Variants in PPP2R2D observed in about 807,000 individuals in gnomAD.
PPP2R2D encodes the protein serine/threonine-protein phosphatase 2A 55 kDa regulatory subunit B delta isoform.
PPP2R2D carries 9 observed loss-of-function variants against 31.1 expected under a neutral mutation model. That is an observed-to-expected ratio of 0.29 (90% CI 0.17 to 0.51). PPP2R2D has a LOEUF of 0.51. Among genes scored for constraint, PPP2R2D ranks in the 20% least tolerant of loss-of-function variants. The pLI, the probability that PPP2R2D is intolerant of heterozygous loss-of-function variation, is 0.98. For missense variants in PPP2R2D, 391 were observed against 465.6 expected, an observed-to-expected ratio of 0.84 and a Z score of 1.48; for synonymous variants, 179 against 172.6, an observed-to-expected ratio of 1.04 and a Z score of -0.29.
chr10:131,934,379 TC>T, intron 2 of PPP2R2D, 78 bp from the exon 3 acceptor site: 1 of 707,126 alleles, frequency 1.4e-6, no homozygotes, highest in Non-Finnish European at 2.6e-6. Context: ...GTCCTTTTGC[TC>T]TTTTTTATTA....
At chr10:131,950,680 T>C (rs1251125689) in intron 8 of PPP2R2D, among the ~76,000 whole-genome samples, 2 of 152,152 alleles carry the variant, frequency 1.3e-5, no homozygotes, top group Non-Finnish European at 2.9e-5. Context: ...CTGAGACAGA[T>C]AGGCAGAGGA....
At position 131,956,174 on chromosome 10, in the gene PPP2R2D, G is replaced by T; in HGVS notation, c.*211G>T. On this transcript the variant is annotated 3_prime_UTR_variant, in exon 9 of 9. Transcript: ENST00000455566. ...CAGGCGCTGCTGCTCACGTGGAGACGCTCTCGAAGCAGAGTTGACGGACAC... is the reference window on the plus strand; with the variant it reads ...CAGGCGCTGCTGCTCACGTGGAGACTCTCTCGAAGCAGAGTTGACGGACAC... 1.6e-6 allele frequency: 2 copies of T among 1,228,344 alleles called. No homozygotes were observed. Among genetic ancestry groups the T allele is most frequent in the Non-Finnish European group, 2.0e-6 (2 of 985,930 alleles). 76.1% of individuals were successfully genotyped at this position (1,228,344 alleles called of 1,614,324 possible).
At chr10:131,961,221 T>A (rs1554901417), downstream of PPP2R2D, among the ~76,000 whole-genome samples, 6 of 152,190 alleles carry the variant, frequency 3.9e-5, no homozygotes, top group Non-Finnish European at 7.3e-5. Context: ...CGCTCTTCCC[T>A]TGGGTCCCGT....
At chr10:131,968,829 A>C in the PPP2R2D span, 1 of 350,864 alleles carries the variant, frequency 2.9e-6, no homozygotes, top group Admixed American at 3.9e-5. Context: ...TGCTGTTTCC[A>C]CACAGAAAGC....
chr10:131,928,893 G>A (rs1171972794), intron 2 of PPP2R2D, among the ~76,000 whole-genome samples: 2 of 152,226 alleles, frequency 1.3e-5, no homozygotes, highest in African/African-American at 2.4e-5. Flanking sequence ...GACAAGAAGA[G>A]CTGAGAGCTG....
chr10:131,952,494 T>G (rs1589962159), intron 8 of PPP2R2D, among the ~76,000 whole-genome samples: 2 of 64,060 alleles, frequency 3.1e-5, no homozygotes, highest in African/African-American at 7.6e-5. Context: ...TGCGGGGGGG[T>G]TCACTGTCTT....
At chr10:131,916,798 C>T (rs868933867) in intron 2 of PPP2R2D, among the ~76,000 whole-genome samples, 6 of 137,232 alleles carry the variant, frequency 4.4e-5, no homozygotes, top group South Asian at 2.3e-4. Context: ...GGTGGAATGA[C>T]ACAGTGTTTG....
the PPP2R2D span, chr10:131,971,039 A>C: frequency 7.0e-7 from 1 of 1,422,856 alleles, no homozygotes. Flanking sequence ...CCCAGCTCCC[A>C]CCCGAGCTTC....
chr10:131,941,559 T>C (rs1589953041), intron 5 of PPP2R2D, among the ~76,000 whole-genome samples: 1 of 151,150 alleles, frequency 6.6e-6, no homozygotes, highest in African/African-American at 2.4e-5. Flanking sequence ...TTGCGGGGGG[T>C]GGGTGGTTGA....
intron 8 of PPP2R2D, among the ~76,000 whole-genome samples, chr10:131,955,347 T>G (rs975837278): frequency 2.0e-5 from 3 of 152,304 alleles, no homozygotes; most frequent in Non-Finnish European, 2.9e-5. Flanking sequence ...ATTGACAAAT[T>G]GCAGAACATA....
At chr10:131,971,369 A>G in the PPP2R2D span, 1 of 245,618 alleles carries the variant, frequency 4.1e-6, no homozygotes, top group African/African-American at 2.3e-5. Flanking sequence ...ACGGCTCAAA[A>G]CAGGGACATG....
intron 2 of PPP2R2D, among the ~76,000 whole-genome samples, chr10:131,926,981 A>G (rs1554895022): frequency 1.3e-5 from 2 of 152,150 alleles, no homozygotes; most frequent in African/African-American, 4.8e-5. Flanking sequence ...AAGGACTGGG[A>G]GGAGAGGGTG....
chr10:131,947,879 G>A lies in PPP2R2D; in HGVS notation c.1082+88G>A. The A allele has an allele frequency of 6.6e-7, 1 of 1,513,884 alleles. No homozygotes were observed. The highest frequency in any genetic ancestry group is 9.0e-7 in the Non-Finnish European group (1 of 1,109,270). The allele number at this position is 1,513,884 out of a possible 1,614,324, so 93.8% of individuals were successfully genotyped here. On this transcript the variant is annotated intron_variant, in intron 8 of 8. Coordinates refer to ENST00000455566, the MANE Select transcript of PPP2R2D (RefSeq NM_018461.5). The surrounding 1 kb of genome is among the most constrained non-coding windows in gnomAD (Gnocchi z 4.3). ...AGTGAGGGAGGCGAGCTGTCCTCCA[G>A]CGTCAGAGGAGGACGCTCATAGGGT...
intron 4 of PPP2R2D, 141 bp downstream of exon 4, chr10:131,940,337 A>G: frequency 1.7e-6 from 1 of 580,032 alleles, no homozygotes; most frequent in Non-Finnish European, 3.1e-6. Context: ...GTAGCAAGTG[A>G]TAGGTTGAAA....
intron 2 of PPP2R2D, among the ~76,000 whole-genome samples, chr10:131,931,241 T>G (rs1328856678): frequency 6.6e-6 from 1 of 152,244 alleles, no homozygotes; most frequent in Non-Finnish European, 1.5e-5. Flanking sequence ...TAGTAAGCAT[T>G]CAGCCAAACC....
rs782005466 is a variant in PPP2R2D at position 131,947,497 on chromosome 10, CAG to C, written c.821-31_821-30del. The stretch of plus-strand genomic sequence containing the variant: ...AATGATTTGTTCTCTGATTTTTAAA[CAG>C]AAGCTGAAAACATTTTATTTTGTTT... On this transcript the variant is annotated intron_variant, in intron 7 of 8. Transcript: ENST00000455566. The surrounding 1 kb of genome is among the most constrained non-coding windows in gnomAD (Gnocchi z 4.3). 5 of 1,599,172 alleles carry C rather than the reference CAG, an allele frequency of 3.1e-6. No homozygotes were observed. In the South Asian group the frequency reaches 3.3e-5, roughly 11 times the overall value.
intron 2 of PPP2R2D, among the ~76,000 whole-genome samples, chr10:131,903,500 A>G (rs2035535253): frequency 6.6e-6 from 1 of 151,982 alleles, no homozygotes; most frequent in Non-Finnish European, 1.5e-5. Flanking sequence ...ATCTTGACAA[A>G]TACTTTGTTC....
At chr10:131,946,918 T>TTGGC (rs1283350729) in intron 7 of PPP2R2D, among the ~76,000 whole-genome samples, 17 of 151,854 alleles carry the variant, frequency 1.1e-4, no homozygotes, top group Admixed American at 2.0e-4. Context: ...GAGACAAACC[T>TTGGC]TGGCTGGCTG....
the PPP2R2D span, chr10:131,967,851 G>A: frequency 6.6e-6 from 1 of 152,240 alleles, no homozygotes; most frequent in African/African-American, 2.4e-5. Context: ...ATACTGAGTA[G>A]GTGCCTTCAG....
Sources: allele counts gnomAD v4.1 joint callset (sites outside exome capture counted in the v4.1 genomes callset), GRCh38; gene constraint gnomAD v4.1.1; non-coding constraint Gnocchi (gnomAD v3.1); transcripts MANE v1.5; gene names NCBI Gene and HGNC (gene_info 2026-07-23, HGNC 2026-07-21).